Variants in SLC26A5 observed in about 807,000 individuals in gnomAD.
SLC26A5 encodes solute carrier family 26 member 5.
Under a neutral mutation model 81.0 loss-of-function variants are expected in SLC26A5, and 51 were observed. That is an observed-to-expected ratio of 0.63 (90% CI 0.50 to 0.80). The LOEUF is 0.80. SLC26A5 is among the 30% of genes least tolerant of loss of function. The pLI is 0.00. For synonymous variants in SLC26A5, 325 were observed against 332.8 expected (o/e 0.98, Z 0.25); for missense variants, 771 against 905.8 (o/e 0.85, Z 1.91).
At chr7:103,412,713 C>A (rs1824599307) in intron 5 of SLC26A5, among the ~76,000 whole-genome samples, 1 of 151,854 alleles carries the variant, frequency 6.6e-6, no homozygotes, top group Admixed American at 6.6e-5. Context: ...CCAAGCCTGG[C>A]AAATTTTTGT....
rs115804608 is a variant in SLC26A5 at position 103,437,604 on chromosome 7, A to G, written c.-54+5479T>C. Among the ~76,000 whole-genome samples, 787 of 152,352 alleles carry G rather than the reference A, an allele frequency of 5.2e-3. 8 individuals are homozygous for G. The highest frequency in any genetic ancestry group is 0.018 in the African/African-American group (753 of 41,574). The stretch of plus-strand genomic sequence containing the variant: ...CACAGTGAAATATGATTCAGCCTTA[A>G]AAAAGAAAGAAATCATGTTATTTGT... On this transcript the variant is annotated intron_variant, in intron 2 of 19. Transcript: ENST00000306312.
intron 19 of SLC26A5, chr7:103,362,374 C>T: frequency 7.5e-7 from 1 of 1,338,248 alleles, no homozygotes; most frequent in Non-Finnish European, 9.5e-7. Context: ...TGGGGGAGTA[C>T]TTGCTTTAGG....
chr7:103,411,703 G>C, intron 5 of SLC26A5, 117 bp from the exon 6 acceptor site: 1 of 1,141,284 alleles, frequency 8.8e-7, no homozygotes, highest in East Asian at 2.5e-5. Context: ...GGAAGGCTAC[G>C]CTCCCTTCTT....
intron 2 of SLC26A5, among the ~76,000 whole-genome samples, chr7:103,426,774 G>T (rs1825737929): frequency 6.6e-6 from 1 of 152,184 alleles, no homozygotes; most frequent in African/African-American, 2.4e-5. Flanking sequence ...ATCAGAGGCA[G>T]AGAGGCAAAG....
intron 15 of SLC26A5, among the ~76,000 whole-genome samples, 194 bp from the exon 16 acceptor site, chr7:103,379,529 T>C (rs1194875993): frequency 6.6e-6 from 1 of 151,466 alleles, no homozygotes; most frequent in African/African-American, 2.4e-5. Context: ...GTCACTCTTA[T>C]CTACTCATGC....
chr7:103,397,258 T>G (rs1362580492), intron 9 of SLC26A5, among the ~76,000 whole-genome samples: 1 of 151,546 alleles, frequency 6.6e-6, no homozygotes, highest in African/African-American at 2.4e-5. Context: ...AATATAAAAA[T>G]TAGCCGGGTG....
chr7:103,378,465 T>C lies in SLC26A5; in HGVS notation c.1766A>G (p.Asn589Ser), dbSNP rs1821520464. 2.5e-6 allele frequency: 4 copies of C among 1,614,154 alleles called. No individual in the cohort carries two copies. Among genetic ancestry groups the C allele is most frequent in the Non-Finnish European group, 3.4e-6 (4 of 1,179,974 alleles). ...AKEVGNANMA[N>S]ATVVKADAEV... is the part of the protein sequence containing the mutation. ...ACTCACTGCTTTGACAACAGTTGCGTTGGCCATATTTGCATTTCCGACTTC... is the reference window on the plus strand; with the variant it reads ...ACTCACTGCTTTGACAACAGTTGCGCTGGCCATATTTGCATTTCCGACTTC... Residue 589 changes from asparagine to serine, a missense_variant, in exon 17 of 20, where the codon AAC becomes AGC. Physicochemically the swap from Asn to Ser is conservative, Grantham distance 46. Coordinates refer to ENST00000306312, the MANE Select transcript of SLC26A5 (RefSeq NM_198999.3).
intron 4 of SLC26A5, among the ~76,000 whole-genome samples, chr7:103,417,965 C>T (rs1012536535): frequency 1.3e-5 from 2 of 152,104 alleles, no homozygotes; most frequent in African/African-American, 4.8e-5. Context: ...CAGTCTTGAA[C>T]CCCTGACCTC....
chr7:103,428,623 C>T (rs753684590), intron 2 of SLC26A5, among the ~76,000 whole-genome samples: 1 of 148,798 alleles, frequency 6.7e-6, no homozygotes, highest in African/African-American at 2.5e-5. Flanking sequence ...AGTGCAGTGG[C>T]ACCATCTTGG....
intron 12 of SLC26A5, 146 bp downstream of exon 12, chr7:103,390,283 T>A (rs577218267): frequency 6.4e-6 from 5 of 776,974 alleles, no homozygotes; most frequent in Non-Finnish European, 1.1e-5. Flanking sequence ...TAGAGCAGGA[T>A]CTTGGTCCTA....
intron 9 of SLC26A5, among the ~76,000 whole-genome samples, chr7:103,395,794 C>T (rs1248941698): frequency 2.0e-5 from 3 of 152,086 alleles, no homozygotes; most frequent in African/African-American, 4.8e-5. Context: ...GCTGGGATTA[C>T]AGGAGTCTGC....
At position 103,437,443 on chromosome 7, in the gene SLC26A5, A is replaced by C. The variant is rs544995524; in HGVS notation, c.-54+5640T>G. The stretch of plus-strand genomic sequence containing the variant: ...ATCCCACTTCTGGGTATATATCCAA[A>C]GGAGTTGAAATCAATACGTCAAAGG... On this transcript the variant is annotated intron_variant, in intron 2 of 19. Transcript: ENST00000306312. Among the ~76,000 whole-genome samples, 6 of 152,356 alleles carry C rather than the reference A, an allele frequency of 3.9e-5. No individual in the cohort carries two copies. In the East Asian group the frequency reaches 1.2e-3, roughly 29 times the overall value.
chr7:103,364,457 G>A, intron 19 of SLC26A5: 1 of 834,444 alleles, frequency 1.2e-6, no homozygotes, highest in Non-Finnish European at 1.8e-6. Flanking sequence ...TGCCCAGGCT[G>A]GAGTGCAGTG....
rs144679147 is a variant in SLC26A5 at position 103,434,531 on chromosome 7, T to C, written c.-54+8552A>G. On this transcript the variant is annotated intron_variant, in intron 2 of 19. Coordinates refer to ENST00000306312, the MANE Select transcript of SLC26A5 (RefSeq NM_198999.3). Reference sequence around the variant, plus strand: ...TCAATTTCTTACCTTTTATTTTCTTTGTTTTCTATCTCAGAAAACAAAGAT... The same window carrying C: ...TCAATTTCTTACCTTTTATTTTCTTCGTTTTCTATCTCAGAAAACAAAGAT... 9.9e-4 allele frequency among the ~76,000 whole-genome samples: 151 copies of C among 152,304 alleles called. 1 individual carries two copies. Among genetic ancestry groups the C allele is most frequent in the African/African-American group, 3.6e-3 (149 of 41,580 alleles).
chr7:103,388,062 G>GT (rs1049952265), intron 14 of SLC26A5, among the ~76,000 whole-genome samples: 1 of 151,734 alleles, frequency 6.6e-6, no homozygotes, highest in Non-Finnish European at 1.5e-5. Context: ...TTGTTTGTTT[G>GT]TTTTTTGTTA....
intron 8 of SLC26A5, among the ~76,000 whole-genome samples, chr7:103,406,304 G>A (rs1824044105): frequency 6.6e-6 from 1 of 152,156 alleles, no homozygotes; most frequent in African/African-American, 2.4e-5. Flanking sequence ...AGGGAATCTT[G>A]GTGGTGTAGG....
At chr7:103,378,010 T>C (rs867093139) in intron 17 of SLC26A5, among the ~76,000 whole-genome samples, 16 of 152,306 alleles carry the variant, frequency 1.1e-4, no homozygotes, top group African/African-American at 3.6e-4. Context: ...TCTCTCTTTT[T>C]CCTTCTCCTC....
intron 8 of SLC26A5, among the ~76,000 whole-genome samples, chr7:103,399,711 T>C (rs1460699539): frequency 2.0e-5 from 3 of 152,166 alleles, no homozygotes; most frequent in African/African-American, 4.8e-5. Context: ...CCTAATGCTA[T>C]CCCTCCTCAG....
chr7:103,423,651 T>C (rs763461492), intron 2 of SLC26A5, among the ~76,000 whole-genome samples: 18 of 152,150 alleles, frequency 1.2e-4, no homozygotes, highest in Non-Finnish European at 2.2e-4. Flanking sequence ...ACAGTGTTCC[T>C]CCTCTCTAGA....
Sources: gnomAD v4.1 joint callset for allele counts (sites outside exome capture counted in the v4.1 genomes callset) on GRCh38, gnomAD v4.1.1 for gene constraint, MANE v1.5 for transcripts, NCBI Gene and HGNC (gene_info 2026-07-23, HGNC 2026-07-21) for gene names.